Variants in KCNK9 observed in about 807,000 individuals in gnomAD.
The protein encoded by KCNK9 is potassium channel subfamily K member 9.
Under a neutral mutation model 10.8 loss-of-function variants are expected in KCNK9, and 1 was observed. The observed-to-expected ratio is 0.09, with a 90% CI of 0.03 to 0.44. The LOEUF is 0.44. Ranked by LOEUF, KCNK9 falls within the 20% of genes least tolerant of loss-of-function variation. KCNK9 has a pLI of 0.97. For synonymous variants in KCNK9, 231 were observed against 222.7 expected, an observed-to-expected ratio of 1.04 and a Z score of -0.33; for missense variants, 303 against 515.0, an observed-to-expected ratio of 0.59 and a Z score of 3.98.
chr8:139,651,452 C>G (rs1437485687), intron 1 of KCNK9, among the ~76,000 whole-genome samples: 1 of 152,214 alleles, frequency 6.6e-6, no homozygotes, highest in African/African-American at 2.4e-5. Flanking sequence ...CATTCACACC[C>G]AGGGTGCAGA....
chr8:139,615,087 G>C (rs1189619885), downstream of KCNK9, among the ~76,000 whole-genome samples: 1 of 152,180 alleles, frequency 6.6e-6, no homozygotes, highest in Non-Finnish European at 1.5e-5. Context: ...GAAATTACCA[G>C]GTGCAAGAGG....
intron 1 of KCNK9, among the ~76,000 whole-genome samples, chr8:139,700,560 ACAC>A (rs1002568937): frequency 5.9e-5 from 9 of 151,494 alleles, no homozygotes; most frequent in Non-Finnish European, 4.4e-5. Context: ...ACACACACAC[ACAC>A]ATTTTTTTCC....
Position 139,702,625 on chromosome 8 carries a change from T to A in KCNK9, c.283+85A>T. 1 of 1,422,620 alleles carries A rather than the reference T, an allele frequency of 7.0e-7. No homozygotes were observed. The highest frequency in any genetic ancestry group is 1.3e-5 in the South Asian group (1 of 77,272). The allele number at this position is 1,422,620 out of a possible 1,614,324, so 88.1% of individuals were successfully genotyped here. ...AGGCTGCGTTTAACCCTCGACGCCCTGCACCCAGCCCGGCGCGGCGCGCTC... is the reference window on the plus strand; with the variant it reads ...AGGCTGCGTTTAACCCTCGACGCCCAGCACCCAGCCCGGCGCGGCGCGCTC... On this transcript the variant is annotated intron_variant, in intron 1 of 1. Transcript: ENST00000520439. This position sits in a 1 kb window ranked among gnomAD's most constrained non-coding sequence, Gnocchi z 7.5.
chr8:139,681,475 G>C (rs1003251950), intron 1 of KCNK9, among the ~76,000 whole-genome samples: 1 of 152,254 alleles, frequency 6.6e-6, no homozygotes, highest in African/African-American at 2.4e-5. Context: ...GGAGTGAGAA[G>C]CTGGGAGAGC....
intron 1 of KCNK9, among the ~76,000 whole-genome samples, chr8:139,660,459 T>A (rs901285695): frequency 2.0e-5 from 3 of 148,094 alleles, no homozygotes; most frequent in East Asian, 2.0e-4. Flanking sequence ...AATATATATA[T>A]ATATATATAT....
At chr8:139,687,038 C>CA (rs910725239) in intron 1 of KCNK9, among the ~76,000 whole-genome samples, 1 of 151,770 alleles carries the variant, frequency 6.6e-6, no homozygotes, top group African/African-American at 2.4e-5. Context: ...ACAATAAAAG[C>CA]AAAAAATCAA....
downstream of KCNK9, among the ~76,000 whole-genome samples, chr8:139,608,666 C>T (rs1240573431): frequency 6.6e-6 from 1 of 152,138 alleles, no homozygotes; most frequent in Non-Finnish European, 1.5e-5. Context: ...CCTCCAGCCA[C>T]ATTCTACTAC....
intron 1 of KCNK9, among the ~76,000 whole-genome samples, chr8:139,660,760 C>T (rs1408151242): frequency 6.6e-6 from 1 of 152,190 alleles, no homozygotes; most frequent in Non-Finnish European, 1.5e-5. Flanking sequence ...ACAGCCCCTC[C>T]TGGACAGGTT....
intron 1 of KCNK9, among the ~76,000 whole-genome samples, chr8:139,663,584 C>A (rs2129712778): frequency 6.6e-6 from 1 of 151,724 alleles, no homozygotes; most frequent in Admixed American, 6.6e-5. Context: ...TGCAGAGAGA[C>A]CACAGAGACA....
At chr8:139,697,371 A>C (rs1235757626) in intron 1 of KCNK9, among the ~76,000 whole-genome samples, 1 of 148,264 alleles carries the variant, frequency 6.7e-6, no homozygotes, top group Non-Finnish European at 1.5e-5. Flanking sequence ...GGATGGATGG[A>C]TGGATGGATG....
intron 1 of KCNK9, among the ~76,000 whole-genome samples, chr8:139,632,146 G>A (rs1323796312): frequency 6.6e-6 from 1 of 152,150 alleles, no homozygotes; most frequent in Non-Finnish European, 1.5e-5. Context: ...GGGATTTGCC[G>A]CAACGCCCAT....
intron 1 of KCNK9, among the ~76,000 whole-genome samples, chr8:139,683,597 GC>G: frequency 6.6e-6 from 1 of 152,352 alleles, no homozygotes; most frequent in East Asian, 1.9e-4. Context: ...AGCCAGGTCT[GC>G]CCGAGGGGTT....
chr8:139,645,513 C>A (rs575282012), intron 1 of KCNK9, among the ~76,000 whole-genome samples: 1 of 152,286 alleles, frequency 6.6e-6, no homozygotes, highest in Non-Finnish European at 1.5e-5. Context: ...ACATTGAGGC[C>A]GGTACCACCT....
chr8:139,662,699 A>G (rs1448587724), intron 1 of KCNK9, among the ~76,000 whole-genome samples: 1 of 151,796 alleles, frequency 6.6e-6, no homozygotes. Context: ...AGCCACAGCC[A>G]TTTTCAACCC....
At chr8:139,701,269 C>G (rs1413309404) in intron 1 of KCNK9, among the ~76,000 whole-genome samples, 1 of 152,144 alleles carries the variant, frequency 6.6e-6, no homozygotes, top group Admixed American at 6.5e-5. Flanking sequence ...AAGAGCCAAG[C>G]TGATTATGTA....
At chr8:139,690,623 A>G (rs1816916930) in intron 1 of KCNK9, among the ~76,000 whole-genome samples, 1 of 152,120 alleles carries the variant, frequency 6.6e-6, no homozygotes, top group Non-Finnish European at 1.5e-5. Flanking sequence ...TCAGGTGATA[A>G]TCACTGAGGC....
At chr8:139,687,061 C>A (rs1018525839) in intron 1 of KCNK9, among the ~76,000 whole-genome samples, 1 of 151,954 alleles carries the variant, frequency 6.6e-6, no homozygotes, top group Non-Finnish European at 1.5e-5. Context: ...AAATTGATAA[C>A]CTCCTATAAG....
rs1181615427 is a variant in KCNK9, at chr8:139,702,164, G to A, written c.283+546C>T. ...GGGGAAAAAAGGAGCCGGGCGGGGG[G>A]AAGAGAGATGAAATCTGAGCTCAGA... On this transcript the variant is annotated intron_variant, in intron 1 of 1. Coordinates refer to ENST00000520439, the MANE Select transcript of KCNK9 (RefSeq NM_001282534.2). The surrounding 1 kb of genome is among the most constrained non-coding windows in gnomAD (Gnocchi z 7.5). 6.6e-6 allele frequency among the ~76,000 whole-genome samples: 1 copy of A among 152,174 alleles called. No individual in the cohort carries two copies. Among genetic ancestry groups the A allele is most frequent in the East Asian group, 1.9e-4 (1 of 5,184 alleles).
At chr8:139,626,306 AG>A (rs928951910) in intron 1 of KCNK9, among the ~76,000 whole-genome samples, 18 of 152,300 alleles carry the variant, frequency 1.2e-4, no homozygotes, top group African/African-American at 4.1e-4. Context: ...GAGCTTATTC[AG>A]GGGAGAGGTA....
Sources: allele counts gnomAD v4.1 joint callset (sites outside exome capture counted in the v4.1 genomes callset), GRCh38; gene constraint gnomAD v4.1.1; non-coding constraint Gnocchi (gnomAD v3.1); transcripts MANE v1.5; gene names NCBI Gene and HGNC (gene_info 2026-07-23, HGNC 2026-07-21).